FAM168A: variants seen among roughly 807,000 people sequenced by gnomAD.
The protein encoded by FAM168A is protein FAM168A.
A neutral mutation model predicts 28.5 loss-of-function variants in FAM168A; 3 were observed. The observed-to-expected ratio is 0.11, with a 90% CI of 0.05 to 0.27. The LOEUF (loss-of-function observed/expected upper bound fraction) is 0.27, where lower values mean the gene tolerates loss of function less well. Ranked by LOEUF, FAM168A falls within the 10% of genes least tolerant of loss-of-function variation. The probability of loss-of-function intolerance (pLI) is 1.00; values close to 1 mark genes in which losing one functional copy is unlikely to be tolerated. For synonymous variants in FAM168A, 122 were observed against 124.2 expected, an observed-to-expected ratio of 0.98 and a Z score of 0.12; for missense variants, 222 against 311.5, an observed-to-expected ratio of 0.71 and a Z score of 2.16.
At chr11:73,430,920 T>C (rs1167916884) in intron 2 of FAM168A, 150 bp from the exon 3 acceptor site, 1 of 554,168 alleles carries the variant, frequency 1.8e-6, no homozygotes, top group South Asian at 2.5e-5. Flanking sequence ...CCAGATAGTA[T>C]ATGTGACCAG....
At position 73,533,949 on chromosome 11, in the gene FAM168A, C is replaced by T. The variant is rs552942683; in HGVS notation, c.-19+63974G>A. 3.9e-5 allele frequency among the ~76,000 whole-genome samples: 6 copies of T among 152,174 alleles called. No individual in the cohort carries two copies. In the East Asian group the frequency reaches 9.6e-4, roughly 24 times the overall value. ...TTATTGGTGGAATTATGAATAAGTGCCCTAAGGTCACACAGCTTGTTAAGC... is the reference window on the plus strand; with the variant it reads ...TTATTGGTGGAATTATGAATAAGTGTCCTAAGGTCACACAGCTTGTTAAGC... On this transcript the variant is annotated intron_variant, in intron 1 of 7. Transcript: ENST00000356467.
intron 1 of FAM168A, among the ~76,000 whole-genome samples, chr11:73,492,890 T>A (rs1854779962): frequency 6.6e-6 from 1 of 152,130 alleles, no homozygotes; most frequent in South Asian, 2.1e-4. Flanking sequence ...GTGGAGGCCA[T>A]TATCCTCTAT....
chr11:73,461,676 T>C (rs1298255236), intron 2 of FAM168A, among the ~76,000 whole-genome samples: 1 of 152,090 alleles, frequency 6.6e-6, no homozygotes, highest in Non-Finnish European at 1.5e-5. Context: ...TGAAGAGTCA[T>C]TGAAGGGTTT....
At chr11:73,552,516 T>C (rs968652035) in intron 1 of FAM168A, among the ~76,000 whole-genome samples, 2 of 152,234 alleles carry the variant, frequency 1.3e-5, no homozygotes, top group Non-Finnish European at 2.9e-5. Flanking sequence ...TTAGTTGTGG[T>C]GGTTGCTACT....
At chr11:73,552,363 A>G (rs148356424) in intron 1 of FAM168A, among the ~76,000 whole-genome samples, 156 of 152,334 alleles carry the variant, frequency 1.0e-3, no homozygotes, top group African/African-American at 3.7e-3. Flanking sequence ...ACATGGTAAC[A>G]TTTAACACTC....
intron 1 of FAM168A, among the ~76,000 whole-genome samples, chr11:73,519,469 G>C (rs1486908644): frequency 6.6e-6 from 1 of 152,112 alleles, no homozygotes; most frequent in Non-Finnish European, 1.5e-5. Flanking sequence ...AGGACAAGTG[G>C]GACAGACTAA....
intron 3 of FAM168A, among the ~76,000 whole-genome samples, chr11:73,429,079 G>C (rs12222598): frequency 6.6e-6 from 1 of 152,130 alleles, no homozygotes; most frequent in South Asian, 2.1e-4. Flanking sequence ...TTAGAGATGG[G>C]GGAAATGAGG....
At chr11:73,415,625 T>C (rs1015282676) in intron 4 of FAM168A, among the ~76,000 whole-genome samples, 6 of 152,230 alleles carry the variant, frequency 3.9e-5, no homozygotes, top group Non-Finnish European at 8.8e-5. Context: ...CATAATTTAC[T>C]AGTGGTCCTG....
At chr11:73,490,995 G>A (rs1472280966) in intron 1 of FAM168A, among the ~76,000 whole-genome samples, 1 of 152,088 alleles carries the variant, frequency 6.6e-6, no homozygotes, top group East Asian at 1.9e-4. Flanking sequence ...CCTGTTCTAT[G>A]ACTCAGATGA....
chr11:73,499,062 G>A (rs1450858852), intron 1 of FAM168A, among the ~76,000 whole-genome samples: 2 of 152,200 alleles, frequency 1.3e-5, no homozygotes, highest in South Asian at 2.1e-4. Flanking sequence ...AAGACCCTTC[G>A]ACAGGGTTGT....
intron 1 of FAM168A, among the ~76,000 whole-genome samples, chr11:73,578,260 G>C (rs7102738): frequency 1.3e-5 from 2 of 152,110 alleles, no homozygotes; most frequent in African/African-American, 4.8e-5. Flanking sequence ...TAGAAAAGCC[G>C]ATAGGTGGTT....
rs545751807 is a variant in FAM168A at position 73,535,580 on chromosome 11, C to T, written c.-19+62343G>A. On this transcript the variant is annotated intron_variant, in intron 1 of 7. Transcript: ENST00000356467. ...GACTACAGGTGCCCGCCACCACACC[C>T]GGCTAATTTTTTGTATTTTTAGTAG... is the stretch of plus-strand genomic sequence containing the variant. Among the ~76,000 whole-genome samples the T allele has an allele frequency of 5.1e-3, 781 of 151,954 alleles. 9 individuals carry two copies. Among genetic ancestry groups the T allele is most frequent in the African/African-American group, 0.018 (751 of 41,464 alleles).
chr11:73,438,137 C>CCAT, intron 2 of FAM168A, among the ~76,000 whole-genome samples: 1 of 152,188 alleles, frequency 6.6e-6, no homozygotes, highest in East Asian at 1.9e-4. Flanking sequence ...ATCATCATCA[C>CCAT]CATCATCATC....
intron 2 of FAM168A, among the ~76,000 whole-genome samples, chr11:73,438,666 G>A (rs1867137371): frequency 6.6e-6 from 1 of 152,164 alleles, no homozygotes; most frequent in Non-Finnish European, 1.5e-5. Flanking sequence ...GGTTTCATAT[G>A]TATGTCTTAC....
intron 1 of FAM168A, among the ~76,000 whole-genome samples, chr11:73,496,897 A>ACACACACACACACG (rs1555027749): frequency 2.7e-5 from 4 of 150,256 alleles, no homozygotes; most frequent in Non-Finnish European, 5.9e-5. Flanking sequence ...ACACACACAC[A>ACACACACACACACG]CACACACACG....
At chr11:73,461,774 G>A (rs908212654) in intron 2 of FAM168A, among the ~76,000 whole-genome samples, 3 of 152,176 alleles carry the variant, frequency 2.0e-5, no homozygotes, top group Admixed American at 2.0e-4. Flanking sequence ...AGGGGTATAT[G>A]AAAGGAGTTA....
chr11:73,491,298 G>A (rs994091097), intron 1 of FAM168A, among the ~76,000 whole-genome samples: 6 of 152,172 alleles, frequency 3.9e-5, no homozygotes, highest in African/African-American at 1.2e-4. Flanking sequence ...CAGCGGGAAG[G>A]AGACTTAATG....
At chr11:73,591,427 C>T (rs185010724) in intron 1 of FAM168A, among the ~76,000 whole-genome samples, 2 of 152,294 alleles carry the variant, frequency 1.3e-5, no homozygotes, top group Admixed American at 1.3e-4. Flanking sequence ...TACTGCCTGC[C>T]ATAGACACTC....
chr11:73,544,379 A>G (rs1943697600), intron 1 of FAM168A, among the ~76,000 whole-genome samples: 1 of 152,114 alleles, frequency 6.6e-6, no homozygotes, highest in Non-Finnish European at 1.5e-5. Flanking sequence ...CAAGTCCTCA[A>G]AAGGGTTAAA....
Sources: allele counts gnomAD v4.1 joint callset (sites outside exome capture counted in the v4.1 genomes callset), GRCh38; gene constraint gnomAD v4.1.1; transcripts MANE v1.5; gene names NCBI Gene and HGNC (gene_info 2026-07-23, HGNC 2026-07-21).